The following NXN variants were observed in gnomAD, a reference collection of about 807,000 sequenced individuals.
NXN encodes nucleoredoxin 1.
In NXN, 16 loss-of-function variants were observed where a neutral mutation model predicts 48.6. The ratio of observed to expected loss-of-function variants is 0.33; its 90% CI spans 0.22 to 0.50. The LOEUF (loss-of-function observed/expected upper bound fraction) is 0.50. NXN is among the 20% of genes least tolerant of loss of function. The probability of loss-of-function intolerance (pLI) is 0.98; values close to 1 mark genes in which losing one functional copy is unlikely to be tolerated. For synonymous variants in NXN, 281 were observed against 269.6 expected (o/e 1.04, Z -0.41); for missense variants, 492 against 605.5 (o/e 0.81, Z 1.97).
intron 1 of NXN, among the ~76,000 whole-genome samples, chr17:848,240 C>A (rs1034417438): frequency 1.3e-5 from 2 of 152,148 alleles, no homozygotes. Flanking sequence ...TGGCTTCAAG[C>A]AATTCTCCTA....
At chr17:811,964 G>T (rs1387009122) in intron 5 of NXN, among the ~76,000 whole-genome samples, 25 of 116,808 alleles carry the variant, frequency 2.1e-4, no homozygotes, top group Non-Finnish European at 3.2e-4. Flanking sequence ...GTCTCGCTCT[G>T]TCGCCCAGGC....
intron 1 of NXN, among the ~76,000 whole-genome samples, chr17:886,157 C>G (rs367968797): frequency 2.0e-5 from 3 of 152,036 alleles, no homozygotes; most frequent in African/African-American, 7.2e-5. Context: ...ACCACGGGTC[C>G]GGGTTTCTCC....
rs1912815523 is a variant in NXN at position 821,479 on chromosome 17, C to G, written c.713+878G>C. Among the ~76,000 whole-genome samples, 3 of 78,556 alleles carry G rather than the reference C, an allele frequency of 3.8e-5. 1 individual carries two copies. In the South Asian group the frequency reaches 1.1e-3, roughly 30 times the overall value. The allele number at this position is 78,556 out of a possible 152,430, so 51.5% of individuals were successfully genotyped here. A position where few individuals can be genotyped will look rare whatever the true frequency, so the allele number is the denominator to read the frequency against. ...AGAGCTGAGATAACAGCCATCCGGC[C>G]GGGCGCGGTGGCTCATGCCTGTAAT... On this transcript the variant is annotated intron_variant, in intron 4 of 7. Transcript: ENST00000336868.
intron 1 of NXN, among the ~76,000 whole-genome samples, chr17:852,594 G>GAT (rs1447637553): frequency 3.3e-5 from 5 of 152,162 alleles, no homozygotes; most frequent in Non-Finnish European, 7.3e-5. Flanking sequence ...GTTGGATTTG[G>GAT]ATACGGGGCT....
At position 940,568 on chromosome 17, in the gene NXN, C is replaced by T. The variant is rs141249048; in HGVS notation, c.360+38751G>A. On this transcript the variant is annotated intron_variant, in intron 1 of 7. Transcript: ENST00000336868. ...CCCTTTCACCACTCAGAACCAGGTA[C>T]GGACGGCATGCCTCATCTCACAACA... Among the ~76,000 whole-genome samples, 651 of 152,352 alleles carry T rather than the reference C, an allele frequency of 4.3e-3. 5 individuals are homozygous for T. Among genetic ancestry groups the T allele is most frequent in the Middle Eastern group, 0.024 (7 of 294 alleles).
intron 1 of NXN, among the ~76,000 whole-genome samples, chr17:880,553 C>G (rs2068272598): frequency 6.6e-6 from 1 of 152,168 alleles, no homozygotes; most frequent in Non-Finnish European, 1.5e-5. Flanking sequence ...TCGTTTGAAC[C>G]TAGCTCAGCC....
At chr17:918,935 T>G (rs1246258859) in intron 1 of NXN, among the ~76,000 whole-genome samples, 3 of 146,220 alleles carry the variant, frequency 2.1e-5, no homozygotes, top group Admixed American at 1.4e-4. Flanking sequence ...CAAGGTGGCG[T>G]GCGCCTGTAG....
At chr17:895,795 G>GCGGCAGAGCGAGACTCCGTC (rs1567853109) in intron 1 of NXN, among the ~76,000 whole-genome samples, 1 of 120,290 alleles carries the variant, frequency 8.3e-6, no homozygotes, top group Non-Finnish European at 1.9e-5. Context: ...TCCAGCCTGG[G>GCGGCAGAGCGAGACTCCGTC]TTTTGTTTGT....
intron 1 of NXN, among the ~76,000 whole-genome samples, chr17:954,802 G>C (rs935188078): frequency 6.6e-6 from 1 of 152,242 alleles, no homozygotes; most frequent in Non-Finnish European, 1.5e-5. Flanking sequence ...CTACCAGTTA[G>C]GGGCCGCATC....
At position 932,937 on chromosome 17, in the gene NXN, C is replaced by A. The variant is rs1344229586; in HGVS notation, c.360+46382G>T. On this transcript the variant is annotated intron_variant, in intron 1 of 7. Transcript: ENST00000336868. This position sits in a 1 kb window ranked among gnomAD's most constrained non-coding sequence, Gnocchi z 4.1. ...TACTGGGATTCCAGGCGTGAGCCACCGCGCCCAGCCCAGCCCGTCCTCTTG... is the reference window on the plus strand; with the variant it reads ...TACTGGGATTCCAGGCGTGAGCCACAGCGCCCAGCCCAGCCCGTCCTCTTG... Among the ~76,000 whole-genome samples, 1 of 141,006 alleles carries A rather than the reference C, an allele frequency of 7.1e-6. No individual in the cohort carries two copies. The highest frequency in any genetic ancestry group is 2.2e-4 in the South Asian group (1 of 4,526). The allele number at this position is 141,006 out of a possible 152,430, so 92.5% of individuals were successfully genotyped here. A position where few individuals can be genotyped will look rare whatever the true frequency, so the allele number is the denominator to read the frequency against.
chr17:868,914 C>A (rs1340428121), intron 1 of NXN, among the ~76,000 whole-genome samples: 3 of 152,194 alleles, frequency 2.0e-5, no homozygotes, highest in African/African-American at 7.2e-5. Flanking sequence ...TCCAGATGCA[C>A]AAAAAGGAAA....
chr17:915,450 A>AT (rs1339701655), intron 1 of NXN, among the ~76,000 whole-genome samples: 1 of 151,696 alleles, frequency 6.6e-6, no homozygotes, highest in Non-Finnish European at 1.5e-5. Flanking sequence ...CACCCAGCTA[A>AT]TTTTTGTATT....
intron 1 of NXN, among the ~76,000 whole-genome samples, chr17:926,158 G>C (rs912745349): frequency 6.6e-6 from 1 of 152,142 alleles, no homozygotes; most frequent in African/African-American, 2.4e-5. Flanking sequence ...CACATTCTCA[G>C]TATCTACCGT....
chr17:940,284 G>C (rs2068956697), intron 1 of NXN, among the ~76,000 whole-genome samples: 1 of 150,470 alleles, frequency 6.6e-6, no homozygotes, highest in Non-Finnish European at 1.5e-5. Context: ...GTGGATTATA[G>C]GGTTTCGCTA....
chr17:948,810 C>T (rs2069075930), intron 1 of NXN, among the ~76,000 whole-genome samples: 1 of 150,780 alleles, frequency 6.6e-6, no homozygotes. Context: ...AGGGCACGGC[C>T]TCCTCCTCTC....
At chr17:884,775 A>C (rs1283741443) in intron 1 of NXN, among the ~76,000 whole-genome samples, 1 of 152,192 alleles carries the variant, frequency 6.6e-6, no homozygotes, top group East Asian at 1.9e-4. Flanking sequence ...AATAAGCTAA[A>C]CGGAGCTGAA....
intron 1 of NXN, among the ~76,000 whole-genome samples, chr17:908,715 C>T (rs1009130237): frequency 6.6e-6 from 1 of 152,138 alleles, no homozygotes; most frequent in African/African-American, 2.4e-5. Context: ...TGTCTTCAGA[C>T]CAAAAATTCA....
At chr17:809,661 A>G (rs1911796706) in intron 5 of NXN, among the ~76,000 whole-genome samples, 2 of 152,232 alleles carry the variant, frequency 1.3e-5, no homozygotes, top group African/African-American at 4.8e-5. Flanking sequence ...AGGTTCTAGG[A>G]CAGAAAGAGC....
chr17:847,773 G>C (rs571367938), intron 1 of NXN, among the ~76,000 whole-genome samples: 1 of 152,300 alleles, frequency 6.6e-6, no homozygotes, highest in South Asian at 2.1e-4. Context: ...GAGGTAAATT[G>C]TTTGGAAAGT....
Sources: gnomAD v4.1 joint callset for allele counts (sites outside exome capture counted in the v4.1 genomes callset) on GRCh38, gnomAD v4.1.1 for gene constraint, Gnocchi (gnomAD v3.1) non-coding constraint, MANE v1.5 for transcripts, NCBI Gene and HGNC (gene_info 2026-07-23, HGNC 2026-07-21) for gene names.